ATXN1: variants seen among roughly 807,000 people sequenced by gnomAD.
ATXN1 encodes ataxin 1, also known as ataxin-1.
ATXN1 carries 8 observed loss-of-function variants against 56.4 expected under a neutral mutation model. That is an observed-to-expected ratio of 0.14 (90% CI 0.08 to 0.26). The LOEUF (loss-of-function observed/expected upper bound fraction) is 0.26. ATXN1 is among the 10% of genes least tolerant of loss of function. The probability of loss-of-function intolerance (pLI) is 1.00; values close to 1 mark genes in which losing one functional copy is unlikely to be tolerated. For synonymous variants in ATXN1, 514 were observed against 494.6 expected, an observed-to-expected ratio of 1.04 and a Z score of -0.52; for missense variants, 987 against 1,106.5, an observed-to-expected ratio of 0.89 and a Z score of 1.53.
chr6:16,429,088 G>T (rs577504735), intron 6 of ATXN1, among the ~76,000 whole-genome samples: 1 of 152,048 alleles, frequency 6.6e-6, no homozygotes, highest in Non-Finnish European at 1.5e-5. Flanking sequence ...ACACCCTGGC[G>T]ACCTGTTCCT....
intron 6 of ATXN1, among the ~76,000 whole-genome samples, chr6:16,382,184 A>G (rs141718507): frequency 6.6e-6 from 1 of 152,006 alleles, no homozygotes; most frequent in African/African-American, 2.4e-5. Flanking sequence ...TCTATACAAG[A>G]AGCTTAAAAA....
At chr6:16,444,740 C>T (rs963770901) in intron 6 of ATXN1, among the ~76,000 whole-genome samples, 3 of 152,188 alleles carry the variant, frequency 2.0e-5, no homozygotes, top group African/African-American at 4.8e-5. Flanking sequence ...TAGAATTAGA[C>T]TACCACTATT....
At chr6:16,643,979 A>G (rs1763755721) in intron 3 of ATXN1, among the ~76,000 whole-genome samples, 1 of 152,222 alleles carries the variant, frequency 6.6e-6, no homozygotes, top group African/African-American at 2.4e-5. Context: ...CTGTTATTAA[A>G]AATTAAATTA....
At chr6:16,603,858 G>C (rs9464923) in intron 3 of ATXN1, among the ~76,000 whole-genome samples, 111,490 of 151,758 alleles carry the variant, frequency 0.73, 41,433 homozygotes, top group East Asian at 0.98. Flanking sequence ...GCAGAAGATT[G>C]ACGAAGGCAT....
chr6:16,669,334 A>C (rs919686744), intron 2 of ATXN1, among the ~76,000 whole-genome samples: 17 of 152,170 alleles, frequency 1.1e-4, no homozygotes, highest in African/African-American at 7.2e-5. Context: ...CCTTCCTCTG[A>C]AACCTAACAC....
intron 4 of ATXN1, among the ~76,000 whole-genome samples, chr6:16,581,211 G>A (rs1440609765): frequency 6.3e-5 from 9 of 143,194 alleles, no homozygotes; most frequent in Non-Finnish European, 9.3e-5. Flanking sequence ...GTGTGTGTGT[G>A]TGTGTGTGTG....
chr6:16,407,424 TGA>T (rs986935446), intron 6 of ATXN1, among the ~76,000 whole-genome samples: 9 of 152,224 alleles, frequency 5.9e-5, no homozygotes, highest in Admixed American at 5.9e-4. Flanking sequence ...TTGAAATCAC[TGA>T]GAGATGACCT....
intron 4 of ATXN1, among the ~76,000 whole-genome samples, chr6:16,567,604 T>C (rs1351996375): frequency 1.3e-5 from 2 of 152,218 alleles, no homozygotes; most frequent in Admixed American, 6.5e-5. Context: ...CAGAACAGCA[T>C]CAGCAACATT....
intron 7 of ATXN1, among the ~76,000 whole-genome samples, chr6:16,315,374 T>G (rs1395586919): frequency 6.6e-6 from 1 of 152,174 alleles, no homozygotes; most frequent in Non-Finnish European, 1.5e-5. Flanking sequence ...ATGATACTAT[T>G]TTTTTACTAC....
intron 5 of ATXN1, among the ~76,000 whole-genome samples, chr6:16,507,570 GTAATA>G (rs1246199466): frequency 2.0e-5 from 3 of 152,270 alleles, no homozygotes; most frequent in Non-Finnish European, 4.4e-5. Context: ...TGAATAAAAG[GTAATA>G]TAATATAAGG....
intron 6 of ATXN1, among the ~76,000 whole-genome samples, chr6:16,401,261 A>G (rs544528477): frequency 6.6e-6 from 1 of 152,160 alleles, no homozygotes; most frequent in Non-Finnish European, 1.5e-5. Context: ...TTTACACAAC[A>G]TGGGAAGTCA....
At chr6:16,707,337 C>T (rs1376438084) in intron 2 of ATXN1, among the ~76,000 whole-genome samples, 1 of 152,136 alleles carries the variant, frequency 6.6e-6, no homozygotes, top group African/African-American at 2.4e-5. Context: ...ATTTGCCACT[C>T]ATACTTGGCA....
intron 6 of ATXN1, among the ~76,000 whole-genome samples, chr6:16,439,362 GGGGCCGGGGGCGGGGC>G (rs1561896124): frequency 2.3e-4 from 3 of 12,798 alleles, no homozygotes; most frequent in Non-Finnish European, 3.8e-4. Context: ...GGGGGGGGGC[GGGGCCGGGGGCGGGGC>G]GGGAATAAGG....
intron 2 of ATXN1, among the ~76,000 whole-genome samples, chr6:16,748,519 C>T (rs1760607191): frequency 6.6e-6 from 1 of 152,194 alleles, no homozygotes; most frequent in Non-Finnish European, 1.5e-5. Context: ...CTCTGTGCCA[C>T]AGTTTCCTCG....
chr6:16,484,590 A>T (rs1380000101), intron 6 of ATXN1, among the ~76,000 whole-genome samples: 1 of 152,180 alleles, frequency 6.6e-6, no homozygotes, highest in Non-Finnish European at 1.5e-5. Context: ...AGGCTGACTG[A>T]TTTCCACTAG....
Position 16,731,935 on chromosome 6 carries a change from G to C in ATXN1, c.-615+21298C>G, listed in dbSNP as rs182880230. Among the ~76,000 whole-genome samples, 302 of 152,180 alleles carry C rather than the reference G, an allele frequency of 2.0e-3. 1 individual carries two copies. Among genetic ancestry groups the C allele is most frequent in the African/African-American group, 5.5e-3 (229 of 41,526 alleles). On this transcript the variant is annotated intron_variant, in intron 2 of 7. Transcript: ENST00000436367. ...AAGTATTAAACTGTAAATTTTCTTA[G>C]CTGGTGCCAATTCCTATAGTAATAG... is the stretch of plus-strand genomic sequence containing the variant.
chr6:16,692,306 T>C (rs540024877), intron 2 of ATXN1, among the ~76,000 whole-genome samples: 116 of 152,360 alleles, frequency 7.6e-4, no homozygotes, highest in African/African-American at 2.8e-3. Flanking sequence ...TAAACATTTT[T>C]CTTTGTGCTT....
intron 6 of ATXN1, among the ~76,000 whole-genome samples, chr6:16,363,248 T>C (rs1054695272): frequency 6.6e-6 from 1 of 152,262 alleles, no homozygotes; most frequent in Non-Finnish European, 1.5e-5. Flanking sequence ...ACTATGTTTT[T>C]TCTTCTCCAT....
At chr6:16,605,697 A>C (rs911538424) in intron 3 of ATXN1, among the ~76,000 whole-genome samples, 2 of 152,216 alleles carry the variant, frequency 1.3e-5, no homozygotes, top group African/African-American at 4.8e-5. Flanking sequence ...GCAGGAGAAT[A>C]CATATGGTAC....
Sources: gnomAD v4.1 joint callset for allele counts (sites outside exome capture counted in the v4.1 genomes callset) on GRCh38, gnomAD v4.1.1 for gene constraint, MANE v1.5 for transcripts, NCBI Gene and HGNC (gene_info 2026-07-23, HGNC 2026-07-21) for gene names.